SYNE1: variants seen among roughly 807,000 people sequenced by gnomAD.
The protein encoded by SYNE1 is spectrin repeat containing nuclear envelope protein 1, also known as nesprin-1.
In SYNE1, 616 loss-of-function variants were observed where a neutral mutation model predicts 1,111.0. That is an observed-to-expected ratio of 0.55 (90% CI 0.52 to 0.59). SYNE1 has a LOEUF of 0.59. SYNE1 is among the 20% of genes least tolerant of loss of function. SYNE1 has a pLI of 0.00. For synonymous variants in SYNE1, 3,855 were observed against 3,825.8 expected, an observed-to-expected ratio of 1.01 and a Z score of -0.28; for missense variants, 10,006 against 10,417.0, an observed-to-expected ratio of 0.96 and a Z score of 1.72.
At chr6:152,253,817 GGTTTTTTTTTTT>G (rs2090046508) in intron 104 of SYNE1, among the ~76,000 whole-genome samples, 10 of 59,158 alleles carry the variant, frequency 1.7e-4, no homozygotes, top group African/African-American at 8.1e-4. Flanking sequence ...GTAGTGGTTT[GGTTTTTTTTTTT>G]TTTTTTTTTT....
chr6:152,432,925 C>G (rs2098441184), intron 34 of SYNE1, among the ~76,000 whole-genome samples: 1 of 152,006 alleles, frequency 6.6e-6, no homozygotes, highest in Non-Finnish European at 1.5e-5. Flanking sequence ...GTGTGAGAAG[C>G]AAGGATGATC....
intron 6 of SYNE1, among the ~76,000 whole-genome samples, chr6:152,512,484 T>C (rs1040497506): frequency 6.6e-6 from 1 of 152,220 alleles, no homozygotes; most frequent in African/African-American, 2.4e-5. Context: ...ACATCCATTT[T>C]AGCATACATA....
At chr6:152,124,457 A>T (rs777954041) in intron 145 of SYNE1, among the ~76,000 whole-genome samples, 23 of 152,222 alleles carry the variant, frequency 1.5e-4, no homozygotes, top group Non-Finnish European at 2.6e-4. Context: ...ACGGCAGGGT[A>T]ATGTAACCTT....
chr6:152,363,767 G>T, intron 63 of SYNE1: 1 of 455,308 alleles, frequency 2.2e-6, no homozygotes, highest in East Asian at 7.0e-5. Context: ...GCACAGGGGA[G>T]CCTCACCCTG....
In SYNE1 at chr6:152,329,745, G is replaced by A; in HGVS notation, c.14940C>T (p.Ala4980=). The A allele has an allele frequency of 6.2e-7, 1 of 1,614,186 alleles. No homozygotes were observed. Among genetic ancestry groups the A allele is most frequent in the Non-Finnish European group, 8.5e-7 (1 of 1,180,044 alleles). The change falls in exon 78 of 146, where the codon GCC becomes GCT. Residue 4980 remains alanine, a synonymous_variant. Coordinates refer to ENST00000367255, the MANE Select transcript of SYNE1 (RefSeq NM_182961.4). The stretch of plus-strand genomic sequence containing the variant: ...TTATACCCACCTGTCTGGTGCGTAA[G>A]GCTTCCTGGATGTCTCCATCCAGCT... The part of the protein sequence containing the change: ...LSELDGDIQE[A]LRTRQATLTE...
chr6:152,368,515 T>A (rs574484282), intron 61 of SYNE1: 41 of 162,616 alleles, frequency 2.5e-4, no homozygotes, highest in South Asian at 8.0e-4. Flanking sequence ...ATGAATTTTT[T>A]AAAAATATCA....
rs773140427 is a variant in SYNE1, at chr6:152,330,592, C to T, written c.14093G>A (p.Ser4698Asn). The change falls in exon 78 of 146, where the codon AGC (serine) becomes AAC (asparagine). Residue 4698 changes from serine (S) to asparagine (N), a missense_variant. Around this residue, in one of 7 missense-constraint regions of SYNE1, gnomAD observed 4,955 missense variants for 5,017.2 expected, o/e 0.99. Transcript: ENST00000367255. ...AACGGCCAGGTCGGTGGGAACTTTG[C>T]TCATCCTCAAGAATTGGGCTTCAAG... The part of the protein sequence containing the change: ...SELEAQFLRM[S>N]KVPTDLAVEE... 1.2e-6 allele frequency: 2 copies of T among 1,613,640 alleles called. No homozygotes were observed. The highest frequency in any genetic ancestry group is 1.7e-6 in the Non-Finnish European group (2 of 1,180,026).
chr6:152,536,430 TA>T (rs2154364046), intron 4 of SYNE1, among the ~76,000 whole-genome samples: 1 of 137,038 alleles, frequency 7.3e-6, no homozygotes, highest in East Asian at 2.0e-4. Flanking sequence ...TATTTATATA[TA>T]TAACTATATA....
At chr6:152,273,001 CTAAT>C (rs1164877927) in intron 98 of SYNE1, among the ~76,000 whole-genome samples, 1 of 152,078 alleles carries the variant, frequency 6.6e-6, no homozygotes, top group Non-Finnish European at 1.5e-5. Flanking sequence ...CCAGGAAGCT[CTAAT>C]TATTTTAAAA....
chr6:152,309,812 T>A (rs1181353717), intron 90 of SYNE1, 23 bp downstream of exon 90: 23 of 1,612,894 alleles, frequency 1.4e-5, no homozygotes, highest in Non-Finnish European at 1.9e-5. Flanking sequence ...ATTGCTCTAC[T>A]GGTGTGGGTA....
intron 139 of SYNE1, 71 bp from the exon 140 acceptor site, chr6:152,140,232 T>A (rs746718323): frequency 2.1e-5 from 32 of 1,522,272 alleles, no homozygotes; most frequent in Middle Eastern, 1.7e-4. Context: ...GCTTTAAACA[T>A]AGGTTGGCAG....
In SYNE1 at chr6:152,256,774, A is replaced by C; in HGVS notation, c.18973-9T>G. The C allele has an allele frequency of 6.2e-7, 1 of 1,613,324 alleles. No homozygotes were observed. The highest frequency in any genetic ancestry group is 2.2e-5 in the East Asian group (1 of 44,848). On this transcript the variant is annotated splice_polypyrimidine_tract_variant and intron_variant, in intron 101 of 145. Coordinates refer to ENST00000367255, the MANE Select transcript of SYNE1 (RefSeq NM_182961.4). Reference sequence around the variant, plus strand: ...TTTGGCCTGCTATAAAGCTGTAGGCAAACAAAGGCAGCTTGTTGAAGAGCA... The same window carrying C: ...TTTGGCCTGCTATAAAGCTGTAGGCCAACAAAGGCAGCTTGTTGAAGAGCA...
chr6:152,453,734 GGAAA>G lies in SYNE1; in HGVS notation c.2893-18_2893-15del. ...ACTGAAAAACTCCTGACATGGAAGGGGAAAGTGGGTAAGAGTGTTGGACAGACGA... is the reference window on the plus strand; with the variant it reads ...ACTGAAAAACTCCTGACATGGAAGGGGTGGGTAAGAGTGTTGGACAGACGA... On this transcript the variant is annotated splice_polypyrimidine_tract_variant and intron_variant, in intron 24 of 145. Coordinates refer to ENST00000367255, the MANE Select transcript of SYNE1 (RefSeq NM_182961.4). 1 of 1,614,078 alleles carries G rather than the reference GGAAA, an allele frequency of 6.2e-7. No homozygotes were observed. The highest frequency in any genetic ancestry group is 8.5e-7 in the Non-Finnish European group (1 of 1,179,998).
In SYNE1 at chr6:152,276,027, C is replaced by CTTTTTTTTTTTT. The variant is rs2093600414; in HGVS notation, c.18573+2061_18573+2062insAAAAAAAAAAAA. Among the ~76,000 whole-genome samples the CTTTTTTTTTTTT allele has an allele frequency of 1.5e-5, 2 of 129,060 alleles. 1 individual carries two copies. 84.7% of individuals were successfully genotyped at this position (129,060 alleles called of 152,430 possible). The stretch of plus-strand genomic sequence containing the variant: ...CTATGTAAAAACTATAAATTCTCGA[C>CTTTTTTTTTTTT]TTCTTTTTTTTTTTTTTTTTTTTTT... On this transcript the variant is annotated intron_variant, in intron 98 of 145. Transcript: ENST00000367255.
intron 41 of SYNE1, 94 bp downstream of exon 41, chr6:152,416,293 C>T: frequency 6.4e-7 from 1 of 1,562,194 alleles, no homozygotes; most frequent in Non-Finnish European, 8.7e-7. Flanking sequence ...TTTTTATTTT[C>T]CTTGAACAGT....
At chr6:152,253,217 A>T (rs1009054038) in intron 104 of SYNE1, among the ~76,000 whole-genome samples, 1 of 152,190 alleles carries the variant, frequency 6.6e-6, no homozygotes, top group African/African-American at 2.4e-5. Flanking sequence ...ATGATAAAAT[A>T]CAAAAATATA....
chr6:152,349,239 ATAT>A (rs1052636091), intron 72 of SYNE1, among the ~76,000 whole-genome samples: 13 of 152,352 alleles, frequency 8.5e-5, no homozygotes, highest in African/African-American at 3.1e-4. Context: ...CTAAAAATAC[ATAT>A]TATTAAGTTC....
At position 152,221,050 on chromosome 6, in the gene SYNE1, G is replaced by C; in HGVS notation, c.21657-4C>G. 6.2e-7 allele frequency: 1 copy of C among 1,613,948 alleles called. No individual in the cohort carries two copies. Among genetic ancestry groups the C allele is most frequent in the Non-Finnish European group, 8.5e-7 (1 of 1,179,956 alleles). On this transcript the variant is annotated splice_region_variant and splice_polypyrimidine_tract_variant and intron_variant, in intron 118 of 145. Transcript: ENST00000367255. ...CTCTTCCAGCAAGTTATTCCATCTG[G>C]AAATAATAACCAACACTCATGAGCA... is the stretch of plus-strand genomic sequence containing the variant.
In SYNE1 at chr6:152,428,251, T is replaced by C. The variant is rs2098390277; in HGVS notation, c.4930A>G (p.Lys1644Glu). ...QQYEDILRRA[K>E]ERQTALENLL... ...TTCTCCAGCGCCGTCTGTCTCTCCT[T>C]CGCCCTCCTTAGGATGTCCTCGTAT... Residue 1644 changes from lysine to glutamate, a missense_variant, in exon 37 of 146, where the codon AAG (lysine) becomes GAG (glutamate). Lys to Glu is a moderately conservative substitution (Grantham distance 56, BLOSUM62 1). Transcript: ENST00000367255. 6.2e-7 allele frequency: 1 copy of C among 1,613,904 alleles called. No homozygotes were observed. The highest frequency in any genetic ancestry group is 8.5e-7 in the Non-Finnish European group (1 of 1,180,026).
Sources: gnomAD v4.1 joint callset for allele counts (sites outside exome capture counted in the v4.1 genomes callset) on GRCh38, gnomAD v4.1.1 for gene constraint, gnomAD v4.1.1 regional missense constraint, MANE v1.5 for transcripts, NCBI Gene and HGNC (gene_info 2026-07-23, HGNC 2026-07-21) for gene names.